The following DUS2 variants were observed in gnomAD, a reference collection of about 807,000 sequenced individuals.
The protein encoded by DUS2 is tRNA-dihydrouridine(20) synthase [NAD(P)+]-like.
In DUS2, 52 loss-of-function variants were observed where a neutral mutation model predicts 71.3. The ratio of observed to expected loss-of-function variants is 0.73; its 90% confidence interval spans 0.58 to 0.92. DUS2 has a LOEUF of 0.92. DUS2 is among the 40% of genes least tolerant of loss of function. The probability of loss-of-function intolerance (pLI) is 0.00; values close to 1 mark genes in which losing one functional copy is unlikely to be tolerated. For synonymous variants in DUS2, 204 were observed against 227.8 expected, an observed-to-expected ratio of 0.90 and a Z score of 0.94; for missense variants, 558 against 622.6, an observed-to-expected ratio of 0.90 and a Z score of 1.10.
chr16:68,056,796 A>G (rs2033858707), intron 7 of DUS2, among the ~76,000 whole-genome samples: 1 of 146,940 alleles, frequency 6.8e-6, no homozygotes, highest in Non-Finnish European at 1.5e-5. Context: ...AGATTCATAC[A>G]TAGATTATAT....
chr16:68,037,851 T>C, intron 2 of DUS2, 155 bp from the exon 3 acceptor site: 5 of 729,898 alleles, frequency 6.9e-6, no homozygotes, highest in Non-Finnish European at 1.1e-5. Context: ...AGCAAGACTG[T>C]CTCAAAAACA....
At chr16:68,040,757 TG>T (rs1332642260) in intron 3 of DUS2, among the ~76,000 whole-genome samples, 2 of 150,044 alleles carry the variant, frequency 1.3e-5, no homozygotes, top group African/African-American at 2.5e-5. Flanking sequence ...CAGCGCCCCC[TG>T]GTGGATCCAT....
rs2034197572 is a variant in DUS2 at position 68,078,852 on chromosome 16, A to AAGC, written c.1349_1351dup (p.Lys450_Arg451insGln). 5.6e-6 allele frequency: 9 copies of AAGC among 1,613,830 alleles called. No individual in the cohort carries two copies. In the East Asian group the frequency reaches 2.0e-4, roughly 36 times the overall value. On this transcript the variant is annotated inframe_insertion, in exon 17 of 17. Coordinates refer to ENST00000565263, the MANE Select transcript of DUS2 (RefSeq NM_017803.5). ...GGGTGAGGAGAGCCCTTCCTTGCAC[A>AAGC]AGCGAAAGAGGGAGGCTCCTGACCA...
intron 2 of DUS2, chr16:68,026,958 A>C (rs1360860605): frequency 6.6e-6 from 1 of 150,788 alleles, no homozygotes; most frequent in African/African-American, 2.4e-5. Flanking sequence ...TGTTGCCTGC[A>C]GATTATTTCC....
At chr16:68,071,355 G>A (rs142528929) in intron 12 of DUS2, among the ~76,000 whole-genome samples, 1 of 152,348 alleles carries the variant, frequency 6.6e-6, no homozygotes, top group African/African-American at 2.4e-5. Context: ...GCAGGTCATA[G>A]CAAGAACCTT....
intron 7 of DUS2, among the ~76,000 whole-genome samples, chr16:68,058,303 C>T (rs2033890357): frequency 6.6e-6 from 1 of 151,288 alleles, no homozygotes; most frequent in Non-Finnish European, 1.5e-5. Context: ...CGGCTGACTG[C>T]AACCTCCGTC....
intron 2 of DUS2, among the ~76,000 whole-genome samples, chr16:68,035,881 ATT>A: frequency 1.1e-5 from 1 of 90,492 alleles, no homozygotes; most frequent in Middle Eastern, 6.9e-3. Context: ...CATCCCGCTA[ATT>A]TTATATATAT....
chr16:68,044,720 A>G (rs1282960246), intron 3 of DUS2, among the ~76,000 whole-genome samples: 1 of 151,260 alleles, frequency 6.6e-6, no homozygotes. Flanking sequence ...ATTTCTTTCA[A>G]CAGTGTTTCA....
intron 7 of DUS2, among the ~76,000 whole-genome samples, 195 bp from the exon 8 acceptor site, chr16:68,060,871 C>G (rs925010521): frequency 2.2e-4 from 34 of 152,096 alleles, no homozygotes; most frequent in Non-Finnish European, 2.6e-4. Context: ...AAAAAATTAT[C>G]ACACTTCAGT....
chr16:68,028,522 C>G (rs552471475), intron 2 of DUS2, among the ~76,000 whole-genome samples: 2 of 152,010 alleles, frequency 1.3e-5, no homozygotes, highest in East Asian at 3.9e-4. Flanking sequence ...ACCTGTAATC[C>G]CAGCTACTCG....
intron 12 of DUS2, among the ~76,000 whole-genome samples, chr16:68,072,290 G>A (rs2034098552): frequency 6.6e-6 from 1 of 152,216 alleles, no homozygotes; most frequent in Admixed American, 6.5e-5. Flanking sequence ...TGCTGGGCAA[G>A]TTGGTGACCA....
chr16:68,039,018 G>C (rs2033579737), intron 3 of DUS2, among the ~76,000 whole-genome samples: 4 of 151,966 alleles, frequency 2.6e-5, no homozygotes. Flanking sequence ...GGGCAACGTA[G>C]TGAGACCCTG....
At chr16:68,046,929 T>C (rs1399699472) in intron 3 of DUS2, among the ~76,000 whole-genome samples, 5 of 152,072 alleles carry the variant, frequency 3.3e-5, no homozygotes, top group Non-Finnish European at 7.4e-5. Flanking sequence ...TTTTTGTATT[T>C]TTAGTAGAGA....
At chr16:68,053,853 GC>G in intron 5 of DUS2, 198 bp downstream of exon 5, 1 of 572,910 alleles carries the variant, frequency 1.7e-6, no homozygotes, top group South Asian at 2.2e-5. Context: ...TGGAAATCAA[GC>G]TATCACAGTC....
At chr16:68,067,770 C>T (rs761757578) in intron 10 of DUS2, among the ~76,000 whole-genome samples, 2 of 152,196 alleles carry the variant, frequency 1.3e-5, no homozygotes, top group Non-Finnish European at 2.9e-5. Context: ...AGTAATCCTC[C>T]TGCCTCAGCC....
intron 15 of DUS2, chr16:68,078,061 C>T (rs930007444): frequency 3.2e-5 from 9 of 279,630 alleles, no homozygotes; most frequent in Non-Finnish European, 6.2e-5. Flanking sequence ...CAGCCCTTTG[C>T]TCCAGCCAAG....
chr16:68,053,483 C>T (rs372067131), intron 4 of DUS2, 81 bp from the exon 5 acceptor site: 2 of 1,315,110 alleles, frequency 1.5e-6, no homozygotes, highest in African/African-American at 2.9e-5. Flanking sequence ...TATACTCTGG[C>T]TGTGTTTTCT....
intron 7 of DUS2, among the ~76,000 whole-genome samples, chr16:68,058,564 T>G (rs2033894512): frequency 6.6e-6 from 1 of 152,054 alleles, no homozygotes; most frequent in Admixed American, 6.6e-5. Context: ...TGTTCCTAAA[T>G]TATGTGAGGA....
intron 2 of DUS2, among the ~76,000 whole-genome samples, chr16:68,031,190 G>A: frequency 6.6e-6 from 1 of 151,786 alleles, no homozygotes; most frequent in Non-Finnish European, 1.5e-5. Context: ...CTTTTTTGGA[G>A]ATGAGTCTCG....
Sources: allele counts gnomAD v4.1 joint callset (sites outside exome capture counted in the v4.1 genomes callset), GRCh38; gene constraint gnomAD v4.1.1; transcripts MANE v1.5; gene names NCBI Gene and HGNC (gene_info 2026-07-23, HGNC 2026-07-21).